Variants in SAMD3 observed in about 807,000 individuals in gnomAD.
The protein encoded by SAMD3 is sterile alpha motif domain containing 3, also known as sterile alpha motif domain-containing protein 3.
In SAMD3, 63 loss-of-function variants were observed where a neutral mutation model predicts 58.5. The ratio of observed to expected loss-of-function variants is 1.08; its 90% CI spans 0.88 to 1.33. The LOEUF (loss-of-function observed/expected upper bound fraction) is 1.33. Ranked by LOEUF, SAMD3 falls within the 40% of genes most tolerant of loss-of-function variation. The pLI is 0.00. For synonymous variants in SAMD3, 220 were observed against 210.3 expected (o/e 1.05, Z -0.40); for missense variants, 604 against 608.4 (o/e 0.99, Z 0.08).
At chr6:130,320,126 G>GA (rs750703832) in intron 1 of SAMD3, among the ~76,000 whole-genome samples, 18 of 151,984 alleles carry the variant, frequency 1.2e-4, no homozygotes, top group East Asian at 1.9e-4. Flanking sequence ...AGAACAAATG[G>GA]AAAAAATGGG....
At chr6:130,213,126 A>AAAATTAAAATT (rs1795709154) in intron 4 of SAMD3, among the ~76,000 whole-genome samples, 1 of 152,056 alleles carries the variant, frequency 6.6e-6, no homozygotes, top group Non-Finnish European at 1.5e-5. Flanking sequence ...TGTTTAAAAA[A>AAAATTAAAATT]TAAAAATAAA....
intron 1 of SAMD3, among the ~76,000 whole-genome samples, chr6:130,337,602 G>A (rs1458543144): frequency 1.3e-5 from 2 of 152,144 alleles, no homozygotes; most frequent in Non-Finnish European, 2.9e-5. Flanking sequence ...GAATATGTGG[G>A]GAAGTTTGGA....
At chr6:130,255,315 T>C (rs961760782) in intron 2 of SAMD3, among the ~76,000 whole-genome samples, 6 of 152,230 alleles carry the variant, frequency 3.9e-5, no homozygotes, top group African/African-American at 1.4e-4. Context: ...TAGGTCCATT[T>C]GATCTAAAGC....
At chr6:130,209,712 T>G in intron 4 of SAMD3, 104 bp from the exon 5 acceptor site, 2 of 655,428 alleles carry the variant, frequency 3.1e-6, no homozygotes, top group Non-Finnish European at 2.7e-6. Context: ...CATCATGGTC[T>G]GTGTCCACTT....
intron 2 of SAMD3, among the ~76,000 whole-genome samples, chr6:130,304,916 C>T (rs1261735545): frequency 2.2e-5 from 3 of 138,722 alleles, no homozygotes; most frequent in Admixed American, 1.4e-4. Flanking sequence ...ACTAAAATTA[C>T]ATTTTCTTCC....
intron 2 of SAMD3, among the ~76,000 whole-genome samples, chr6:130,280,634 C>T (rs1774948808): frequency 6.6e-6 from 1 of 152,124 alleles, no homozygotes; most frequent in Non-Finnish European, 1.5e-5. Context: ...ATTCTGTACC[C>T]ATTTGGCCAT....
intron 11 of SAMD3, 127 bp from the exon 12 acceptor site, chr6:130,144,931 C>T: frequency 1.0e-6 from 1 of 964,078 alleles, no homozygotes; most frequent in Non-Finnish European, 1.5e-6. Flanking sequence ...ATATGACAAA[C>T]ATACTTCAAA....
intron 1 of SAMD3, among the ~76,000 whole-genome samples, chr6:130,326,367 A>ATT (rs537066801): frequency 8.5e-5 from 11 of 128,830 alleles, no homozygotes; most frequent in South Asian, 2.5e-4. Context: ...ATGCCTGGTC[A>ATT]TTTTTTTTTT....
intron 5 of SAMD3, among the ~76,000 whole-genome samples, chr6:130,185,365 T>A (rs928509793): frequency 1.3e-5 from 2 of 152,200 alleles, no homozygotes; most frequent in African/African-American, 4.8e-5. Flanking sequence ...AGTCTCACTC[T>A]GTCGCCAGGC....
chr6:130,287,619 G>A (rs2037017), intron 2 of SAMD3, among the ~76,000 whole-genome samples: 42,336 of 151,958 alleles, frequency 0.28, 6,358 homozygotes, highest in East Asian at 0.45. Flanking sequence ...AAAGGGTTAT[G>A]AAGAGATCCT....
chr6:130,185,317 T>C (rs1208472625), intron 5 of SAMD3, among the ~76,000 whole-genome samples: 1 of 152,064 alleles, frequency 6.6e-6, no homozygotes, highest in Non-Finnish European at 1.5e-5. Context: ...TATTCACTTT[T>C]TTATTTTTTA....
At position 130,181,193 on chromosome 6, in the gene SAMD3, C is replaced by T. The variant is rs915764762; in HGVS notation, c.654+2910G>A. Among the ~76,000 whole-genome samples the T allele has an allele frequency of 7.2e-5, 11 of 151,944 alleles. 1 individual carries two copies. The highest frequency in any genetic ancestry group is 6.3e-3 in the Middle Eastern group (2 of 316). On this transcript the variant is annotated intron_variant, in intron 7 of 11. Transcript: ENST00000439090. ...AACTCCTGACCTCAGGTGATCTGCC[C>T]GCCTTGGCCTCCCAAAGTGCTGGGA...
intron 2 of SAMD3, among the ~76,000 whole-genome samples, chr6:130,276,088 T>C (rs1054215620): frequency 1.6e-4 from 24 of 151,290 alleles, no homozygotes; most frequent in African/African-American, 4.9e-4. Flanking sequence ...AAACAGGAGG[T>C]TCAGAGAGAA....
chr6:130,306,121 G>A (rs1193215184), intron 2 of SAMD3, among the ~76,000 whole-genome samples: 3 of 152,162 alleles, frequency 2.0e-5, no homozygotes, highest in Non-Finnish European at 4.4e-5. Flanking sequence ...CTAAGGATTA[G>A]GTTTCAACGT....
At chr6:130,258,064 C>T (rs74745492) in intron 2 of SAMD3, among the ~76,000 whole-genome samples, 3,868 of 151,900 alleles carry the variant, frequency 0.025, 68 homozygotes, top group Non-Finnish European at 0.04. Context: ...GTGAGTGTTC[C>T]GTGGAATAAA....
intron 1 of SAMD3, among the ~76,000 whole-genome samples, chr6:130,338,984 G>A (rs1777183015): frequency 6.6e-6 from 1 of 152,104 alleles, no homozygotes. Flanking sequence ...GTGAGATTTG[G>A]GAGGGGCCAG....
chr6:130,191,152 G>A (rs575405954), intron 5 of SAMD3, among the ~76,000 whole-genome samples: 10 of 151,504 alleles, frequency 6.6e-5, no homozygotes, highest in African/African-American at 9.7e-5. Context: ...TATATATATT[G>A]AGTGACATGG....
intron 8 of SAMD3, chr6:130,161,744 CTT>C (rs1441416039): frequency 6.6e-6 from 1 of 152,238 alleles, no homozygotes; most frequent in Non-Finnish European, 1.5e-5. Flanking sequence ...GGGGAAGTGA[CTT>C]TTCCAAGCAC....
intron 2 of SAMD3, among the ~76,000 whole-genome samples, chr6:130,258,587 T>G (rs1043972244): frequency 6.6e-6 from 1 of 152,148 alleles, no homozygotes; most frequent in Non-Finnish European, 1.5e-5. Flanking sequence ...ATCACAACAA[T>G]CAAGATAATG....
Sources: gnomAD v4.1 joint callset for allele counts (sites outside exome capture counted in the v4.1 genomes callset) on GRCh38, gnomAD v4.1.1 for gene constraint, MANE v1.5 for transcripts, NCBI Gene and HGNC (gene_info 2026-07-23, HGNC 2026-07-21) for gene names.